Variants in PPARGC1A observed in about 807,000 individuals in gnomAD.
PPARGC1A encodes peroxisome proliferator-activated receptor gamma coactivator 1-alpha.
PPARGC1A carries 25 observed loss-of-function variants against 88.7 expected under a neutral mutation model. That is an observed-to-expected ratio of 0.28 (90% confidence interval 0.21 to 0.39). The LOEUF is 0.39. PPARGC1A is among the 10% of genes least tolerant of loss of function. The pLI, the probability that PPARGC1A is intolerant of heterozygous loss-of-function variation, is 1.00. For missense variants in PPARGC1A, 880 were observed against 968.7 expected (o/e 0.91, Z 1.22); for synonymous variants, 363 against 355.6 (o/e 1.02, Z -0.24).
At chr4:24,050,826 C>T in the PPARGC1A span, among the ~76,000 whole-genome samples, 1 of 152,070 alleles carries the variant, frequency 6.6e-6, no homozygotes, top group East Asian at 1.9e-4. Flanking sequence ...ATTTCAAAAG[C>T]AATTTTATCA....
the PPARGC1A span, among the ~76,000 whole-genome samples, chr4:24,311,253 C>G: frequency 2.1e-4 from 31 of 148,616 alleles, no homozygotes; most frequent in Non-Finnish European, 8.9e-5. Flanking sequence ...GCGCCCGCCA[C>G]CACGCCCGGC....
the PPARGC1A span, among the ~76,000 whole-genome samples, chr4:24,265,026 A>G: frequency 6.6e-6 from 1 of 152,202 alleles, no homozygotes; most frequent in African/African-American, 2.4e-5. Flanking sequence ...ATGACATTGT[A>G]TATGTCATAC....
At chr4:24,147,595 G>A in the PPARGC1A span, among the ~76,000 whole-genome samples, 1 of 152,116 alleles carries the variant, frequency 6.6e-6, no homozygotes, top group Non-Finnish European at 1.5e-5. Flanking sequence ...CACAAGGTCA[G>A]AGCCAGACAA....
chr4:23,812,605 A>G lies in PPARGC1A; in HGVS notation c.2019+142T>C. Reference sequence around the variant, plus strand: ...GTCAATGGGGACCGAAGACTTATGGATATTTTAAAGCCAAAAGGCTGAAAA... The same window carrying G: ...GTCAATGGGGACCGAAGACTTATGGGTATTTTAAAGCCAAAAGGCTGAAAA... On this transcript the variant is annotated intron_variant, in intron 10 of 12. Coordinates refer to ENST00000264867, the MANE Select transcript of PPARGC1A (RefSeq NM_013261.5). The G allele has an allele frequency of 3.8e-6, 5 of 1,301,994 alleles. No homozygotes were observed. The East Asian group carries it at 9.3e-5, about 24-fold the overall frequency. The allele number at this position is 1,301,994 out of a possible 1,614,324, so 80.7% of individuals were successfully genotyped here.
intron 2 of PPARGC1A, among the ~76,000 whole-genome samples, chr4:23,867,893 A>G (rs750015457): frequency 7.9e-5 from 12 of 152,234 alleles, no homozygotes; most frequent in Non-Finnish European, 1.2e-4. Context: ...TACAACAACA[A>G]CAACGACAAA....
the PPARGC1A span, among the ~76,000 whole-genome samples, chr4:24,403,227 G>A: frequency 6.6e-6 from 1 of 152,182 alleles, no homozygotes; most frequent in Non-Finnish European, 1.5e-5. Flanking sequence ...TCATGAAGAT[G>A]AAATGAGATA....
At chr4:24,061,586 A>C in the PPARGC1A span, among the ~76,000 whole-genome samples, 1 of 152,216 alleles carries the variant, frequency 6.6e-6, no homozygotes, top group Non-Finnish European at 1.5e-5. Context: ...TAGGAGACAG[A>C]CCATACACTA....
the PPARGC1A span, among the ~76,000 whole-genome samples, chr4:24,144,549 A>G: frequency 6.6e-6 from 1 of 151,936 alleles, no homozygotes. Flanking sequence ...CCTTTGCTGT[A>G]CCGTGTCCAG....
the PPARGC1A span, among the ~76,000 whole-genome samples, chr4:23,954,269 T>C: frequency 4.6e-5 from 7 of 152,138 alleles, no homozygotes; most frequent in Non-Finnish European, 8.8e-5. Context: ...TTAGTAATGC[T>C]AACTGTGTTG....
chr4:23,868,716 T>C (rs1203171518), intron 2 of PPARGC1A, among the ~76,000 whole-genome samples: 3 of 152,190 alleles, frequency 2.0e-5, no homozygotes, highest in African/African-American at 7.2e-5. Context: ...ACAAATACTT[T>C]CCTAAATTTC....
the PPARGC1A span, among the ~76,000 whole-genome samples, chr4:24,102,829 T>C: frequency 6.6e-6 from 1 of 152,124 alleles, no homozygotes; most frequent in Non-Finnish European, 1.5e-5. Context: ...GGAGCACAGA[T>C]ACAACACTTG....
chr4:24,155,337 A>G, the PPARGC1A span, among the ~76,000 whole-genome samples: 3 of 152,002 alleles, frequency 2.0e-5, no homozygotes, highest in Non-Finnish European at 4.4e-5. Flanking sequence ...AAAGACAAGC[A>G]GAGGGCTGGG....
the PPARGC1A span, among the ~76,000 whole-genome samples, chr4:24,141,842 C>T: frequency 6.6e-6 from 1 of 152,084 alleles, no homozygotes; most frequent in East Asian, 1.9e-4. Flanking sequence ...AGTTCCCTTC[C>T]ATGAAAATAA....
chr4:24,399,552 A>G, the PPARGC1A span, among the ~76,000 whole-genome samples: 3 of 152,306 alleles, frequency 2.0e-5, no homozygotes, highest in South Asian at 6.2e-4. Context: ...TCACCACAGC[A>G]AAAGGACATT....
chr4:24,383,263 G>A, the PPARGC1A span, among the ~76,000 whole-genome samples: 1 of 152,170 alleles, frequency 6.6e-6, no homozygotes, highest in Non-Finnish European at 1.5e-5. Flanking sequence ...CCACAAAGGT[G>A]AGGAAAAACC....
chr4:24,456,520 G>A, the PPARGC1A span, among the ~76,000 whole-genome samples: 1 of 152,150 alleles, frequency 6.6e-6, no homozygotes, highest in East Asian at 1.9e-4. Context: ...GGCATTCTTT[G>A]GTATGGCTGG....
At chr4:24,202,994 G>A in the PPARGC1A span, among the ~76,000 whole-genome samples, 3 of 152,188 alleles carry the variant, frequency 2.0e-5, no homozygotes, top group Non-Finnish European at 2.9e-5. Flanking sequence ...CCACTCGCCA[G>A]AAAGAGGCTC....
At chr4:24,391,877 T>C in the PPARGC1A span, among the ~76,000 whole-genome samples, 2 of 152,182 alleles carry the variant, frequency 1.3e-5, no homozygotes, top group African/African-American at 4.8e-5. Flanking sequence ...AGTAAATTGC[T>C]TTCAATGAAC....
At chr4:24,211,256 A>C in the PPARGC1A span, among the ~76,000 whole-genome samples, 1 of 152,216 alleles carries the variant, frequency 6.6e-6, no homozygotes, top group South Asian at 2.1e-4. Context: ...AAAGATATTA[A>C]GCCGTGTGCC....
Sources: gnomAD v4.1 joint callset for allele counts (sites outside exome capture counted in the v4.1 genomes callset) on GRCh38, gnomAD v4.1.1 for gene constraint, MANE v1.5 for transcripts, NCBI Gene and HGNC (gene_info 2026-07-23, HGNC 2026-07-21) for gene names.